The following VASH2 variants were observed in gnomAD, a reference collection of about 807,000 sequenced individuals.
The protein encoded by VASH2 is vasohibin 2.
In VASH2, 28 loss-of-function variants were observed where a neutral mutation model predicts 37.2. That is an observed-to-expected ratio of 0.75 (90% CI 0.56 to 1.03). VASH2 has a LOEUF of 1.03. VASH2 is among the 50% of genes least tolerant of loss of function. The pLI is 0.00. For synonymous variants in VASH2, 188 were observed against 174.7 expected, an observed-to-expected ratio of 1.08 and a Z score of -0.60; for missense variants, 419 against 459.1, an observed-to-expected ratio of 0.91 and a Z score of 0.80.
At chr1:212,953,762 AGTCTCCAGGTCACTAATGCTGATCTGT>A (rs1161070158) in intron 2 of VASH2, among the ~76,000 whole-genome samples, 8 of 152,102 alleles carry the variant, frequency 5.3e-5, no homozygotes, top group African/African-American at 1.9e-4. Flanking sequence ...ATGACCCGTG[AGTCTCCAGGTCACTAATGCTGATCTGT>A]GTGATGCTAG....
At chr1:212,970,406 A>G (rs1274504249) in intron 5 of VASH2, among the ~76,000 whole-genome samples, 2 of 152,154 alleles carry the variant, frequency 1.3e-5, no homozygotes, top group African/African-American at 2.4e-5. Context: ...CTGTAAGATG[A>G]ATTCCAGTGT....
chr1:212,973,352 C>A, intron 6 of VASH2: 1 of 1,265,580 alleles, frequency 7.9e-7, no homozygotes, highest in Non-Finnish European at 1.0e-6. Context: ...AGACTATACT[C>A]ATACGTCCCT....
intron 7 of VASH2, among the ~76,000 whole-genome samples, chr1:212,976,921 C>G (rs1667191969): frequency 6.6e-6 from 1 of 152,162 alleles, no homozygotes; most frequent in Non-Finnish European, 1.5e-5. Flanking sequence ...GGAGTCGACC[C>G]CAGCCCCACT....
Position 212,989,646 on chromosome 1 carries a change from A to G in VASH2, c.*1062A>G, listed in dbSNP as rs2075837332. On this transcript the variant is annotated 3_prime_UTR_variant, in exon 8 of 8. Transcript: ENST00000517399. ...AGACCAAATGTGACATGATGTGATT[A>G]TCTTCCAGTACTTTGCTTTTAGGTA... The G allele has an allele frequency of 1.3e-5, 2 of 152,188 alleles. 1 individual carries two copies. The highest frequency in any genetic ancestry group is 4.1e-4 in the South Asian group (2 of 4,826). 9.4% of individuals were successfully genotyped at this position (152,188 alleles called of 1,614,324 possible). A position where few individuals can be genotyped will look rare whatever the true frequency, so the allele number is the denominator to read the frequency against.
chr1:212,968,172 C>T, intron 5 of VASH2: 1 of 980,492 alleles, frequency 1.0e-6, no homozygotes, highest in Non-Finnish European at 1.2e-6. Flanking sequence ...CAATGTGGAG[C>T]TCACAGGGGA....
intron 3 of VASH2, among the ~76,000 whole-genome samples, chr1:212,963,004 T>A (rs1425959968): frequency 6.6e-6 from 1 of 151,656 alleles, no homozygotes; most frequent in Non-Finnish European, 1.5e-5. Flanking sequence ...TAAAGTCAAC[T>A]GATTATAGGC....
At chr1:212,956,793 T>A (rs536793684) in intron 2 of VASH2, among the ~76,000 whole-genome samples, 2 of 152,218 alleles carry the variant, frequency 1.3e-5, no homozygotes, top group Non-Finnish European at 2.9e-5. Flanking sequence ...TTTTTTCAAG[T>A]ATTTGGTTAT....
At chr1:212,980,057 C>T (rs906548371) in intron 7 of VASH2, among the ~76,000 whole-genome samples, 3 of 152,174 alleles carry the variant, frequency 2.0e-5, no homozygotes, top group Admixed American at 1.3e-4. Context: ...TGAGGAGGCT[C>T]CTTGCTAGGG....
chr1:212,972,795 A>C lies in VASH2; in HGVS notation c.713A>C (p.Lys238Thr), dbSNP rs1358390376. ...LIFDFEDSYK[K>T]YLHTVKKVKI... ...TTTGACTTTGAGGACTCTTACAAGA[A>C]ATACCTGCACACAGTCAAGAAGGTC... Residue 238 changes from lysine to threonine, a missense_variant, in exon 6 of 8, where the codon AAA (lysine) becomes ACA (threonine). Physicochemically the swap from Lys to Thr is moderately conservative, Grantham distance 78 (BLOSUM62 -1). This residue lies in a region of VASH2 where 177 missense variants were observed against 166.2 expected (regional missense o/e 1.06). Transcript: ENST00000517399. The C allele has an allele frequency of 9.9e-6, 16 of 1,614,232 alleles. No individual in the cohort carries two copies.
intron 7 of VASH2, among the ~76,000 whole-genome samples, chr1:212,981,823 A>G (rs976709076): frequency 6.6e-6 from 1 of 152,120 alleles, no homozygotes; most frequent in Admixed American, 6.5e-5. Context: ...CTTAAACCTC[A>G]TCTCTCCCAG....
chr1:212,963,625 G>A (rs191226076), intron 3 of VASH2, among the ~76,000 whole-genome samples: 1 of 145,734 alleles, frequency 6.9e-6, no homozygotes, highest in Admixed American at 6.8e-5. Flanking sequence ...CTGCTGGATT[G>A]GGGGAGAAGC....
chr1:212,960,671 T>C (rs1042704299), intron 2 of VASH2, among the ~76,000 whole-genome samples: 1 of 152,250 alleles, frequency 6.6e-6, no homozygotes. Context: ...ATTACAGGCG[T>C]GAGCCATGGC....
In VASH2 at chr1:212,988,756, C is replaced by G. The variant is rs185461395; in HGVS notation, c.*172C>G. 1 of 689,702 alleles carries G rather than the reference C, an allele frequency of 1.4e-6. No individual in the cohort carries two copies. The highest frequency in any genetic ancestry group is 2.4e-6 in the Non-Finnish European group (1 of 410,116). The allele number at this position is 689,702 out of a possible 1,614,324, so 42.7% of individuals were successfully genotyped here. Reference sequence around the variant, plus strand: ...GTAACCATTAGCTTTAAAAAATTCACTAAAAGGCACCATGAAAAGGCTGAA... The same window carrying G: ...GTAACCATTAGCTTTAAAAAATTCAGTAAAAGGCACCATGAAAAGGCTGAA... On this transcript the variant is annotated 3_prime_UTR_variant, in exon 8 of 8. Coordinates refer to ENST00000517399, the MANE Select transcript of VASH2 (RefSeq NM_001301056.2).
In VASH2 at chr1:212,989,296, TTG is replaced by T. The variant is rs1447045252; in HGVS notation, c.*714_*715del. ...TTTCTTAAAGCATTCACTGATGTTTTTGTTTTTTCAAAATGAAACAAAAATAT... is the reference window on the plus strand; with the variant it reads ...TTTCTTAAAGCATTCACTGATGTTTTTTTTTTCAAAATGAAACAAAAATAT... On this transcript the variant is annotated 3_prime_UTR_variant, in exon 8 of 8. Transcript: ENST00000517399. 2.6e-5 allele frequency: 4 copies of T among 152,270 alleles called. No homozygotes were observed. The highest frequency in any genetic ancestry group is 9.6e-5 in the African/African-American group (4 of 41,470). The allele number at this position is 152,270 out of a possible 1,614,324, so 9.4% of individuals were successfully genotyped here. A position where few individuals can be genotyped will look rare whatever the true frequency, so the allele number is the denominator to read the frequency against.
Position 212,980,862 on chromosome 1 carries a change from C to T in VASH2, c.995+6792C>T, listed in dbSNP as rs111700024. 4.5e-3 allele frequency among the ~76,000 whole-genome samples: 680 copies of T among 152,300 alleles called. 5 individuals are homozygous for T. The highest frequency in any genetic ancestry group is 0.011 in the South Asian group (51 of 4,824). ...AAGGCTACGAAGGGAAAAGCTAAAC[C>T]GCCAAGATGGTGAAGGGGCAGTTTC... On this transcript the variant is annotated intron_variant, in intron 7 of 7. Coordinates refer to ENST00000517399, the MANE Select transcript of VASH2 (RefSeq NM_001301056.2).
intron 2 of VASH2, among the ~76,000 whole-genome samples, chr1:212,956,440 G>A (rs1666497952): frequency 6.6e-6 from 1 of 152,326 alleles, no homozygotes; most frequent in African/African-American, 2.4e-5. Flanking sequence ...CATCAGCCTG[G>A]CCACGGCTGT....
intron 2 of VASH2, among the ~76,000 whole-genome samples, chr1:212,957,076 A>G (rs975332615): frequency 2.0e-5 from 3 of 152,134 alleles, no homozygotes; most frequent in Admixed American, 2.0e-4. Flanking sequence ...TTGTGTCTCT[A>G]TGACTTTGAC....
chr1:212,963,728 AT>A (rs1166038065), intron 3 of VASH2, among the ~76,000 whole-genome samples: 1 of 151,972 alleles, frequency 6.6e-6, no homozygotes, highest in Admixed American at 6.6e-5. Flanking sequence ...GGACTCAATG[AT>A]TAACTCTAAG....
Position 212,951,479 on chromosome 1 carries a change from C to T in VASH2, c.-64C>T, listed in dbSNP as rs886138216. Reference sequence around the variant, plus strand: ...GCCGCGCCCGCGCGCACACGCCCCCCGCCGCCGCCGCCGCTGCCGCCGCCG... The same window carrying T: ...GCCGCGCCCGCGCGCACACGCCCCCTGCCGCCGCCGCCGCTGCCGCCGCCG... On this transcript the variant is annotated 5_prime_UTR_variant, in exon 2 of 8. Transcript: ENST00000517399. The surrounding 1 kb of genome is among the most constrained non-coding windows in gnomAD (Gnocchi z 4.4). The T allele has an allele frequency of 1.0e-6, 1 of 959,556 alleles. No individual in the cohort carries two copies. The highest frequency in any genetic ancestry group is 5.5e-5 in the East Asian group (1 of 18,130). The allele number at this position is 959,556 out of a possible 1,614,324, so 59.4% of individuals were successfully genotyped here.
Sources: gnomAD v4.1 joint callset for allele counts (sites outside exome capture counted in the v4.1 genomes callset) on GRCh38, gnomAD v4.1.1 for gene constraint, gnomAD v4.1.1 regional missense constraint, Gnocchi (gnomAD v3.1) non-coding constraint, MANE v1.5 for transcripts, NCBI Gene and HGNC (gene_info 2026-07-23, HGNC 2026-07-21) for gene names.